The following SMARCC1 variants were observed in gnomAD, a reference collection of about 807,000 sequenced individuals.
SMARCC1 encodes the protein SWI/SNF complex subunit SMARCC1.
Under a neutral mutation model 147.4 loss-of-function variants are expected in SMARCC1, and 43 were observed. The ratio of observed to expected loss-of-function variants is 0.29; its 90% CI spans 0.23 to 0.38. The LOEUF is 0.38. Ranked by LOEUF, SMARCC1 falls within the 10% of genes least tolerant of loss-of-function variation. The pLI is 1.00. For missense variants in SMARCC1, 1,119 were observed against 1,381.1 expected (o/e 0.81, Z 3.01); for synonymous variants, 495 against 484.4 (o/e 1.02, Z -0.29).
chr3:47,708,202 T>A (rs1323212838), intron 9 of SMARCC1, among the ~76,000 whole-genome samples: 1 of 143,156 alleles, frequency 7.0e-6, no homozygotes, highest in Non-Finnish European at 1.5e-5. Flanking sequence ...CAAATTCAAG[T>A]GATTACGGAT....
chr3:47,739,625 C>T (rs1389846917), intron 3 of SMARCC1, among the ~76,000 whole-genome samples: 2 of 152,164 alleles, frequency 1.3e-5, no homozygotes, highest in Non-Finnish European at 2.9e-5. Context: ...TGAGCCAACA[C>T]GCCTGGCCCA....
intron 6 of SMARCC1, among the ~76,000 whole-genome samples, chr3:47,725,450 A>AT (rs2034287050): frequency 6.6e-6 from 1 of 151,528 alleles, no homozygotes; most frequent in East Asian, 1.9e-4. Flanking sequence ...TATTATTATT[A>AT]TATATATATA....
intron 25 of SMARCC1, among the ~76,000 whole-genome samples, chr3:47,613,097 T>C (rs1440454460): frequency 6.6e-6 from 1 of 152,242 alleles, no homozygotes; most frequent in Non-Finnish European, 1.5e-5. Context: ...ATATTTTAAA[T>C]GCACTTAACC....
intron 6 of SMARCC1, among the ~76,000 whole-genome samples, chr3:47,726,318 T>C (rs1465039067): frequency 6.7e-6 from 1 of 150,206 alleles, no homozygotes; most frequent in African/African-American, 2.5e-5. Flanking sequence ...GCAACCAATA[T>C]GTATGGATAT....
intron 24 of SMARCC1, among the ~76,000 whole-genome samples, chr3:47,633,741 CAAA>C (rs1162764544): frequency 2.0e-3 from 17 of 8,632 alleles, no homozygotes; most frequent in African/African-American, 7.3e-3. Context: ...GAGACTGTCT[CAAA>C]AAAAAAAAAA....
At chr3:47,762,236 T>TCC (rs1476688447) in intron 2 of SMARCC1, among the ~76,000 whole-genome samples, 1 of 152,168 alleles carries the variant, frequency 6.6e-6, no homozygotes, top group Non-Finnish European at 1.5e-5. Flanking sequence ...CTACAGGTAC[T>TCC]CCCCAGGAAA....
chr3:47,751,978 G>A (rs1296435596), intron 2 of SMARCC1, among the ~76,000 whole-genome samples: 4 of 152,114 alleles, frequency 2.6e-5, no homozygotes, highest in African/African-American at 9.7e-5. Context: ...CAGCTACTCA[G>A]GAGGCTGAGG....
At chr3:47,689,274 C>T in intron 13 of SMARCC1, 113 bp downstream of exon 13, 1 of 796,584 alleles carries the variant, frequency 1.3e-6, no homozygotes, top group Non-Finnish European at 2.1e-6. Context: ...ATTCAAAAAC[C>T]AGAAGGGCTT....
intron 16 of SMARCC1, among the ~76,000 whole-genome samples, chr3:47,677,459 C>T (rs754927109): frequency 2.0e-5 from 3 of 151,346 alleles, no homozygotes; most frequent in East Asian, 2.0e-4. Flanking sequence ...CCACTCCCAA[C>T]CTGAATCCAC....
intron 25 of SMARCC1, among the ~76,000 whole-genome samples, chr3:47,615,008 T>C (rs1241253810): frequency 6.6e-6 from 1 of 152,204 alleles, no homozygotes; most frequent in Non-Finnish European, 1.5e-5. Flanking sequence ...TCAGGGCCTC[T>C]GCACTGGCTG....
chr3:47,656,176 A>G (rs1026828333), intron 21 of SMARCC1, among the ~76,000 whole-genome samples: 2 of 151,926 alleles, frequency 1.3e-5, no homozygotes, highest in Non-Finnish European at 2.9e-5. Context: ...ACGCCACTGC[A>G]CTCCAGCCTG....
chr3:47,644,744 G>C (rs1177754566), intron 21 of SMARCC1, among the ~76,000 whole-genome samples: 2 of 152,126 alleles, frequency 1.3e-5, no homozygotes, highest in Admixed American at 6.5e-5. Context: ...CTGAGCTCAA[G>C]TGATCCGCCC....
intron 19 of SMARCC1, among the ~76,000 whole-genome samples, chr3:47,664,237 A>G (rs922400168): frequency 6.6e-6 from 1 of 152,096 alleles, no homozygotes; most frequent in Admixed American, 6.6e-5. Context: ...TAGGAGGAAT[A>G]AACATAATAA....
chr3:47,621,355 T>C (rs184403174), intron 25 of SMARCC1, among the ~76,000 whole-genome samples: 10 of 149,700 alleles, frequency 6.7e-5, no homozygotes, highest in Non-Finnish European at 1.0e-4. Flanking sequence ...CACCTGCACA[T>C]GCATGTTTAT....
intron 24 of SMARCC1, among the ~76,000 whole-genome samples, chr3:47,624,652 C>T (rs940386706): frequency 6.6e-5 from 10 of 152,108 alleles, no homozygotes; most frequent in African/African-American, 2.2e-4. Flanking sequence ...TGTGTTCTAG[C>T]TCAAGTAATG....
At chr3:47,719,066 C>T (rs1482509934) in intron 7 of SMARCC1, among the ~76,000 whole-genome samples, 1 of 152,124 alleles carries the variant, frequency 6.6e-6, no homozygotes, top group Non-Finnish European at 1.5e-5. Context: ...GCACCCACCA[C>T]CATGCCCGGC....
chr3:47,613,926 T>C (rs1046506127), intron 25 of SMARCC1, among the ~76,000 whole-genome samples: 2 of 143,654 alleles, frequency 1.4e-5, no homozygotes, highest in African/African-American at 5.1e-5. Context: ...CAGCTGCAAG[T>C]GCAGCTGAAG....
intron 21 of SMARCC1, among the ~76,000 whole-genome samples, chr3:47,644,044 G>A (rs945793145): frequency 6.6e-6 from 1 of 152,118 alleles, no homozygotes; most frequent in Non-Finnish European, 1.5e-5. Flanking sequence ...AAAATTAGCT[G>A]GGCATGGTGA....
At chr3:47,737,987 A>C (rs1204363948) in intron 4 of SMARCC1, 42 bp downstream of exon 4, 3 of 1,434,916 alleles carry the variant, frequency 2.1e-6, no homozygotes, top group Non-Finnish European at 2.9e-6. Flanking sequence ...CTGAAAATAT[A>C]TTAAAGGTAA....
Sources: allele counts gnomAD v4.1 joint callset (sites outside exome capture counted in the v4.1 genomes callset), GRCh38; gene constraint gnomAD v4.1.1; transcripts MANE v1.5; gene names NCBI Gene and HGNC (gene_info 2026-07-23, HGNC 2026-07-21).